SH3PXD2A: variants seen among roughly 807,000 people sequenced by gnomAD.
SH3PXD2A encodes SH3 and PX domain-containing protein 2A.
In SH3PXD2A, 32 loss-of-function variants were observed where a neutral mutation model predicts 115.2. The observed-to-expected ratio is 0.28, with a 90% CI of 0.21 to 0.37. The LOEUF is 0.37. Among genes scored for constraint, SH3PXD2A ranks in the 10% least tolerant of loss-of-function variants. SH3PXD2A has a pLI of 1.00. For synonymous variants in SH3PXD2A, 610 were observed against 629.1 expected (o/e 0.97, Z 0.45); for missense variants, 1,328 against 1,498.7 (o/e 0.89, Z 1.88).
At chr10:103,642,020 C>T (rs74154567) in intron 8 of SH3PXD2A, among the ~76,000 whole-genome samples, 2,891 of 152,216 alleles carry the variant, frequency 0.019, 46 homozygotes, top group African/African-American at 0.046. Flanking sequence ...ATAAAGCCAT[C>T]GTTAAGTTGA....
At chr10:103,831,357 T>C (rs1336408927) in intron 1 of SH3PXD2A, among the ~76,000 whole-genome samples, 1 of 152,238 alleles carries the variant, frequency 6.6e-6, no homozygotes, top group East Asian at 1.9e-4. Flanking sequence ...GGCTGTTCAC[T>C]GAATATACCA....
chr10:103,773,573 G>A (rs2038851835), intron 2 of SH3PXD2A, among the ~76,000 whole-genome samples: 1 of 151,932 alleles, frequency 6.6e-6, no homozygotes, highest in African/African-American at 2.4e-5. Context: ...TTGAGTAGCT[G>A]GGATTACAGG....
chr10:103,680,245 C>T (rs1242592895), intron 6 of SH3PXD2A, among the ~76,000 whole-genome samples: 1 of 151,930 alleles, frequency 6.6e-6, no homozygotes, highest in Non-Finnish European at 1.5e-5. Flanking sequence ...TCCCAAAGTG[C>T]TGGGATTACA....
chr10:103,677,472 G>T (rs888226988), intron 6 of SH3PXD2A, among the ~76,000 whole-genome samples: 4 of 152,130 alleles, frequency 2.6e-5, no homozygotes, highest in Middle Eastern at 3.2e-3. Flanking sequence ...CTGGCTGGAC[G>T]CTGCCATCCA....
In SH3PXD2A at chr10:103,603,712, G is replaced by C; in HGVS notation, c.1506C>G (p.Ile502Met). 6.2e-7 allele frequency: 1 copy of C among 1,610,936 alleles called. No individual in the cohort carries two copies. Among genetic ancestry groups the C allele is most frequent in the East Asian group, 2.2e-5 (1 of 44,868 alleles). Residue 502 changes from isoleucine to methionine, a missense_variant, in exon 15 of 15, where the codon ATC (isoleucine) becomes ATG (methionine). Coordinates refer to ENST00000369774, the MANE Select transcript of SH3PXD2A (RefSeq NM_001394015.1). ...EKEGWAPASYIDKRKKPNLSR... is the reference protein window; with the variant it reads ...EKEGWAPASYMDKRKKPNLSR... Reference sequence around the variant, plus strand: ...TCAGGTTGGGCTTCTTGCGCTTATCGATGTATGATGCGGGGGCCCAGCCCT... The same window carrying C: ...TCAGGTTGGGCTTCTTGCGCTTATCCATGTATGATGCGGGGGCCCAGCCCT...
intron 1 of SH3PXD2A, among the ~76,000 whole-genome samples, chr10:103,813,430 G>A (rs749626407): frequency 5.3e-5 from 8 of 151,960 alleles, no homozygotes; most frequent in South Asian, 2.1e-4. Flanking sequence ...AGTCCTCCCC[G>A]CTCAGCCTCC....
chr10:103,640,591 G>A (rs1019857805), intron 8 of SH3PXD2A, among the ~76,000 whole-genome samples: 4 of 152,190 alleles, frequency 2.6e-5, no homozygotes, highest in African/African-American at 4.8e-5. Flanking sequence ...ATCAGCAATC[G>A]TGGGAGACAT....
intron 5 of SH3PXD2A, among the ~76,000 whole-genome samples, chr10:103,701,450 T>TC (rs1301887997): frequency 7.4e-6 from 1 of 135,534 alleles, no homozygotes; most frequent in Non-Finnish European, 1.6e-5. Context: ...TATCCATTCA[T>TC]CCATCCATCA....
intron 2 of SH3PXD2A, among the ~76,000 whole-genome samples, chr10:103,794,703 G>A (rs1402211605): frequency 6.6e-6 from 1 of 152,200 alleles, no homozygotes; most frequent in African/African-American, 2.4e-5. Flanking sequence ...AGCTTTCCCT[G>A]GGACAGGTCC....
chr10:103,760,951 C>T (rs916283356), intron 3 of SH3PXD2A, among the ~76,000 whole-genome samples: 1 of 152,074 alleles, frequency 6.6e-6, no homozygotes, highest in African/African-American at 2.4e-5. Context: ...ACTTTGGACA[C>T]CTAAAAGATC....
chr10:103,681,275 C>A (rs1300592389), intron 6 of SH3PXD2A, among the ~76,000 whole-genome samples: 1 of 152,226 alleles, frequency 6.6e-6, no homozygotes, highest in East Asian at 1.9e-4. Flanking sequence ...GTAGCCCACC[C>A]TCCCATCTCA....
At chr10:103,612,629 C>T (rs2133930719) in intron 12 of SH3PXD2A, among the ~76,000 whole-genome samples, 2 of 152,346 alleles carry the variant, frequency 1.3e-5, no homozygotes, top group Middle Eastern at 3.4e-3. Flanking sequence ...TGTGATCTAG[C>T]TTCCGTGGAG....
intron 8 of SH3PXD2A, among the ~76,000 whole-genome samples, chr10:103,658,149 C>T (rs182022631): frequency 2.0e-5 from 3 of 152,368 alleles, no homozygotes; most frequent in Non-Finnish European, 2.9e-5. Flanking sequence ...CTTCCATGCA[C>T]ATCTCTCTTT....
intron 1 of SH3PXD2A, among the ~76,000 whole-genome samples, chr10:103,852,608 C>T (rs1842906685): frequency 6.6e-6 from 1 of 152,174 alleles, no homozygotes; most frequent in Non-Finnish European, 1.5e-5. Flanking sequence ...CAGCTGACCA[C>T]ACCAGAGGGC....
intron 1 of SH3PXD2A, among the ~76,000 whole-genome samples, chr10:103,842,491 C>T (rs940239737): frequency 4.6e-5 from 7 of 152,110 alleles, no homozygotes; most frequent in Non-Finnish European, 8.8e-5. Context: ...AATACTAAAA[C>T]GTATTATTTC....
intron 2 of SH3PXD2A, among the ~76,000 whole-genome samples, chr10:103,801,021 A>C (rs1554925082): frequency 6.6e-6 from 1 of 152,062 alleles, no homozygotes; most frequent in Non-Finnish European, 1.5e-5. Context: ...ACAGTTTCCT[A>C]CCCTGCAGGC....
chr10:103,682,471 C>G (rs1417091052), intron 6 of SH3PXD2A, among the ~76,000 whole-genome samples: 1 of 152,130 alleles, frequency 6.6e-6, no homozygotes, highest in Non-Finnish European at 1.5e-5. Flanking sequence ...AAACACCAGC[C>G]CAGAGGCTGG....
intron 2 of SH3PXD2A, among the ~76,000 whole-genome samples, chr10:103,781,788 G>A (rs2038933534): frequency 6.6e-6 from 1 of 152,184 alleles, no homozygotes; most frequent in Admixed American, 6.5e-5. Context: ...AAGGGTGGAG[G>A]ACTTGCCAGA....
intron 2 of SH3PXD2A, among the ~76,000 whole-genome samples, chr10:103,771,861 G>C (rs754588900): frequency 2.6e-5 from 4 of 151,972 alleles, no homozygotes; most frequent in Non-Finnish European, 5.9e-5. Context: ...CTCTTGGCAA[G>C]TTCTGATTCA....
Sources: gnomAD v4.1 joint callset for allele counts (sites outside exome capture counted in the v4.1 genomes callset) on GRCh38, gnomAD v4.1.1 for gene constraint, MANE v1.5 for transcripts, NCBI Gene and HGNC (gene_info 2026-07-23, HGNC 2026-07-21) for gene names.